The following AMH variants were observed in gnomAD, a reference collection of about 807,000 sequenced individuals.
AMH encodes anti-Muellerian hormone.
Under a neutral mutation model 33.3 loss-of-function variants are expected in AMH, and 39 were observed. That is an observed-to-expected ratio of 1.17 (90% confidence interval 0.91 to 1.53). The LOEUF (loss-of-function observed/expected upper bound fraction) is 1.53. Ranked by LOEUF, AMH falls within the 40% of genes most tolerant of loss-of-function variation. The probability of loss-of-function intolerance (pLI) is 0.00; values close to 1 mark genes in which losing one functional copy is unlikely to be tolerated. For synonymous variants in AMH, 536 were observed against 403.0 expected (o/e 1.33, Z -3.95); for missense variants, 1,019 against 799.8 (o/e 1.27, Z -3.30).
At position 2,249,557 on chromosome 19, in the gene AMH, T is replaced by C; in HGVS notation, c.225T>C (p.Ala75=). 6.3e-7 allele frequency: 1 copy of C among 1,584,958 alleles called. No individual in the cohort carries two copies. Among genetic ancestry groups the C allele is most frequent in the East Asian group, 2.3e-5 (1 of 43,446 alleles). The change falls in exon 1 of 5, where the codon GCT becomes GCC. Residue 75 remains alanine, a synonymous_variant. Coordinates refer to ENST00000221496, the MANE Select transcript of AMH (RefSeq NM_000479.5). The part of the protein sequence containing the change: ...GSSSPLRVVG[A]LSAYEQAFLG... Reference sequence around the variant, plus strand: ...GCTCCCCCCTGCGGGTGGTGGGGGCTCTAAGCGCCTATGAGCAGGCCTTCC... The same window carrying C: ...GCTCCCCCCTGCGGGTGGTGGGGGCCCTAAGCGCCTATGAGCAGGCCTTCC...
chr19:2,249,786 T>A, intron 1 of AMH, 42 bp downstream of exon 1: 1 of 1,462,844 alleles, frequency 6.8e-7, no homozygotes, highest in South Asian at 1.5e-5. Flanking sequence ...GCCGTCTTCC[T>A]TCAGGTGGGC....
rs368933314 is a variant in AMH, at chr19:2,251,467, C to G, written c.1193C>G (p.Pro398Arg). ...CTGCGAAGCCTCCCGGGTCTGCCTC[C>G]GGCCACAGCCCCGCTGCTGGCGCGC... ...AELRSLPGLP[P>R]ATAPLLARLL... Residue 398 changes from proline (P) to arginine (R), a missense_variant, in exon 5 of 5, where the codon CCG becomes CGG. Physicochemically the swap from Pro to Arg is moderately radical, Grantham distance 103. Transcript: ENST00000221496. The G allele has an allele frequency of 5.0e-5, 70 of 1,413,442 alleles. 1 individual carries two copies. The East Asian group carries it at 1.1e-3, about 21-fold the overall frequency. 87.6% of individuals were successfully genotyped at this position (1,413,442 alleles called of 1,614,324 possible).
Position 2,249,713 on chromosome 19 carries a change from G to A in AMH, c.381G>A (p.Gly127=). 1 of 1,507,058 alleles carries A rather than the reference G, an allele frequency of 6.6e-7. No homozygotes were observed. 93.4% of individuals were successfully genotyped at this position (1,507,058 alleles called of 1,614,324 possible). A position where few individuals can be genotyped will look rare whatever the true frequency, so the allele number is the denominator to read the frequency against. Residue 127 remains glycine (G), a synonymous_variant, in exon 1 of 5, where the codon GGG becomes GGA. Transcript: ENST00000221496. Reference sequence around the variant, plus strand: ...GGGCCTGGCTGCGGGACCCTGGGGGGCAGCGCCTGGTGGTCCTACACCTGG... The same window carrying A: ...GGGCCTGGCTGCGGGACCCTGGGGGACAGCGCCTGGTGGTCCTACACCTGG... ...RLGAWLRDPG[G]QRLVVLHLEE...
Position 2,250,375 on chromosome 19 carries a change from C to A in AMH, c.451C>A (p.Pro151Thr). Reference protein sequence around the residue: ...EPTPSLRFQEPPPGGAGPPEL... With the variant: ...EPTPSLRFQETPPGGAGPPEL... The stretch of plus-strand genomic sequence containing the variant: ...AACACCCTCGCTGAGGTTCCAGGAG[C>A]CCCCGCCTGGAGGAGCTGGCCCCCC... Residue 151 changes from proline (P) to threonine (T), a missense_variant, in exon 2 of 5, where the codon CCC (proline) becomes ACC (threonine). Coordinates refer to ENST00000221496, the MANE Select transcript of AMH (RefSeq NM_000479.5). 4.4e-6 allele frequency: 7 copies of A among 1,594,766 alleles called. No individual in the cohort carries two copies. Among genetic ancestry groups the A allele is most frequent in the Non-Finnish European group, 6.0e-6 (7 of 1,172,816 alleles).
In AMH at chr19:2,251,480, G is replaced by A. The variant is rs2025042203; in HGVS notation, c.1206G>A (p.Pro402=). The A allele has an allele frequency of 5.1e-6, 7 of 1,384,012 alleles. No homozygotes were observed. Among genetic ancestry groups the A allele is most frequent in the East Asian group, 3.1e-5 (1 of 31,986 alleles). 85.7% of individuals were successfully genotyped at this position (1,384,012 alleles called of 1,614,324 possible). Residue 402 remains proline, a synonymous_variant, in exon 5 of 5, where the codon CCG becomes CCA. Coordinates refer to ENST00000221496, the MANE Select transcript of AMH (RefSeq NM_000479.5). ...CGGGTCTGCCTCCGGCCACAGCCCC[G>A]CTGCTGGCGCGCCTGCTCGCGCTCT... ...SLPGLPPATA[P]LLARLLALCP...
chr19:2,251,647 C>T lies in AMH; in HGVS notation c.1373C>T (p.Ala458Val), dbSNP rs530422929. The change falls in exon 5 of 5, where the codon GCC becomes GTC. Residue 458 changes from alanine (A) to valine (V), a missense_variant. By Grantham distance (64) the Ala-to-Val change is moderately conservative. Transcript: ENST00000221496. ...RAQRSAGATA[A>V]DGPCALRELS... ...CAGCGCAGCGCGGGGGCCACCGCCG[C>T]CGACGGGCCGTGCGCGCTGCGCGAG... 2.8e-5 allele frequency: 45 copies of T among 1,596,990 alleles called. No individual in the cohort carries two copies. In the South Asian group the frequency reaches 4.8e-4, roughly 17 times the overall value.
chr19:2,250,647 C>T lies in AMH; in HGVS notation c.556-5C>T, dbSNP rs770617853. 20 of 1,538,658 alleles carry T rather than the reference C, an allele frequency of 1.3e-5. 1 individual carries two copies. Among genetic ancestry groups the T allele is most frequent in the East Asian group, 1.2e-4 (5 of 40,942 alleles). ...TCCAGCCGGGCTGAGCCCTGGTCTC[C>T]GCAGAGCCTCTGCCCCTCCCGAGAC... On this transcript the variant is annotated splice_polypyrimidine_tract_variant and splice_region_variant and intron_variant, in intron 2 of 4. Transcript: ENST00000221496.
In AMH at chr19:2,251,355, G is replaced by A. The variant is rs762178021; in HGVS notation, c.1081G>A (p.Ala361Thr). ...RPTAATTGDPAPLHDPTSAPW... is the reference protein window; with the variant it reads ...RPTAATTGDPTPLHDPTSAPW... ...CACTGCGGCCACCACCGGGGATCCTGCGCCCCTGCACGACCCCACGTCGGC... is the reference window on the plus strand; with the variant it reads ...CACTGCGGCCACCACCGGGGATCCTACGCCCCTGCACGACCCCACGTCGGC... Residue 361 changes from alanine (A) to threonine (T), a missense_variant, in exon 5 of 5, where the codon GCG (alanine) becomes ACG (threonine). Coordinates refer to ENST00000221496, the MANE Select transcript of AMH (RefSeq NM_000479.5). 7.4e-6 allele frequency: 11 copies of A among 1,490,124 alleles called. No homozygotes were observed. The highest frequency in any genetic ancestry group is 2.3e-4 in the Middle Eastern group (1 of 4,308). 92.3% of individuals were successfully genotyped at this position (1,490,124 alleles called of 1,614,324 possible).
chr19:2,249,371 G>C lies in AMH; in HGVS notation c.39G>C (p.Leu13=), dbSNP rs780718920. ...CTCTCACCAGCCTGGCCCTAGTGCT[G>C]TCTGCCCTGGGGGCTCTGCTGGGGA... The part of the protein sequence containing the change: ...DLPLTSLALV[L]SALGALLGTE... Residue 13 remains leucine (L), a synonymous_variant, in exon 1 of 5, where the codon CTG becomes CTC. Transcript: ENST00000221496. 7 of 1,584,064 alleles carry C rather than the reference G, an allele frequency of 4.4e-6. No individual in the cohort carries two copies. Among genetic ancestry groups the C allele is most frequent in the East Asian group, 2.3e-5 (1 of 43,150 alleles).
chr19:2,250,208 AAG>A, intron 1 of AMH, 127 bp from the exon 2 acceptor site: 1 of 1,445,860 alleles, frequency 6.9e-7, no homozygotes, highest in South Asian at 1.2e-5. Flanking sequence ...GAAGGCAGCT[AAG>A]AGGGGCACCC....
chr19:2,250,510 G>A, intron 2 of AMH, 31 bp downstream of exon 2: 1 of 1,544,236 alleles, frequency 6.5e-7, no homozygotes. Context: ...GCAGTGCCCG[G>A]GCCGTGGCGG....
At position 2,249,389 on chromosome 19, in the gene AMH, G is replaced by T. The variant is rs1440713146; in HGVS notation, c.57G>T (p.Leu19=). 1 of 1,590,162 alleles carries T rather than the reference G, an allele frequency of 6.3e-7. No homozygotes were observed. The change falls in exon 1 of 5, where the codon CTG becomes CTT. Residue 19 remains leucine (L), a synonymous_variant. Coordinates refer to ENST00000221496, the MANE Select transcript of AMH (RefSeq NM_000479.5). ...LALVLSALGA[L]LGTEALRAEE... Reference sequence around the variant, plus strand: ...TAGTGCTGTCTGCCCTGGGGGCTCTGCTGGGGACTGAGGCCCTCAGAGCAG... The same window carrying T: ...TAGTGCTGTCTGCCCTGGGGGCTCTTCTGGGGACTGAGGCCCTCAGAGCAG...
chr19:2,251,777 G>C lies in AMH; in HGVS notation c.1503G>C (p.Pro501=), dbSNP rs1344067869. 2 of 1,610,622 alleles carry C rather than the reference G, an allele frequency of 1.2e-6. No individual in the cohort carries two copies. The highest frequency in any genetic ancestry group is 1.7e-6 in the Non-Finnish European group (2 of 1,179,540). ...VCGWPQSDRN[P]RYGNHVVLLL... is the part of the protein sequence containing the mutation. ...GCTGGCCTCAGTCCGACCGCAACCC[G>C]CGCTACGGCAACCACGTGGTGCTGC... The change falls in exon 5 of 5, where the codon CCG becomes CCC. Residue 501 remains proline (P), a synonymous_variant. Coordinates refer to ENST00000221496, the MANE Select transcript of AMH (RefSeq NM_000479.5).
In AMH at chr19:2,251,357, G is replaced by GC. The variant is rs2025039523; in HGVS notation, c.1087dup (p.Leu363ProfsTer20). 2.0e-6 allele frequency: 3 copies of GC among 1,484,266 alleles called. No homozygotes were observed. Among genetic ancestry groups the GC allele is most frequent in the Non-Finnish European group, 2.7e-6 (3 of 1,124,352 alleles). 91.9% of individuals were successfully genotyped at this position (1,484,266 alleles called of 1,614,324 possible). A position where few individuals can be genotyped will look rare whatever the true frequency, so the allele number is the denominator to read the frequency against. ...CTGCGGCCACCACCGGGGATCCTGC[G>GC]CCCCTGCACGACCCCACGTCGGCGC... On this transcript the variant is annotated frameshift_variant, in exon 5 of 5. Transcript: ENST00000221496. LOFTEE classifies it low-confidence loss of function (END_TRUNC).
rs1295763433 is a variant in AMH, at chr19:2,249,341, C to G, written c.9C>G (p.Asp3Glu). Residue 3 changes from aspartate to glutamate, a missense_variant, in exon 1 of 5, where the codon GAC becomes GAG. Coordinates refer to ENST00000221496, the MANE Select transcript of AMH (RefSeq NM_000479.5). MR[D>E]LPLTSLALVL... The stretch of plus-strand genomic sequence containing the variant: ...CCCTGGCAGCACCCACGATGCGGGA[C>G]CTGCCTCTCACCAGCCTGGCCCTAG... 1 of 1,570,500 alleles carries G rather than the reference C, an allele frequency of 6.4e-7. No individual in the cohort carries two copies. The highest frequency in any genetic ancestry group is 1.4e-5 in the African/African-American group (1 of 73,908).
Position 2,251,237 on chromosome 19 carries a change from C to T in AMH, c.963C>T (p.Ala321=). The T allele has an allele frequency of 1.3e-6, 2 of 1,502,594 alleles. No homozygotes were observed. The highest frequency in any genetic ancestry group is 1.2e-5 in the South Asian group (1 of 80,482). The allele number at this position is 1,502,594 out of a possible 1,614,324, so 93.1% of individuals were successfully genotyped here. ...TGGCCCTGGATCCGGACGCGCTGGCCGGCTTCCCGCAGGGCCTAGTCAACC... is the reference window on the plus strand; with the variant it reads ...TGGCCCTGGATCCGGACGCGCTGGCTGGCTTCCCGCAGGGCCTAGTCAACC... ...PRLALDPDAL[A]GFPQGLVNLS... Residue 321 remains alanine (A), a synonymous_variant, in exon 5 of 5, where the codon GCC becomes GCT. Transcript: ENST00000221496.
Position 2,251,135 on chromosome 19 carries a change from A to T in AMH, c.861A>T (p.Ala287=). 1 of 1,536,662 alleles carries T rather than the reference A, an allele frequency of 6.5e-7. No individual in the cohort carries two copies. Among genetic ancestry groups the T allele is most frequent in the South Asian group, 1.2e-5 (1 of 83,570 alleles). The change falls in exon 5 of 5, where the codon GCA becomes GCT. Residue 287 remains alanine, a synonymous_variant. Coordinates refer to ENST00000221496, the MANE Select transcript of AMH (RefSeq NM_000479.5). The part of the protein sequence containing the change: ...SAELEESPPS[A]DPFLETLTRL... ...AACTCGAGGAGTCGCCACCCAGCGCAGACCCCTTCCTGGAGACGCTCACGC... is the reference window on the plus strand; with the variant it reads ...AACTCGAGGAGTCGCCACCCAGCGCTGACCCCTTCCTGGAGACGCTCACGC...
chr19:2,249,480 C>A lies in AMH; in HGVS notation c.148C>A (p.Pro50Thr). The change falls in exon 1 of 5, where the codon CCA (proline) becomes ACA (threonine). Residue 50 changes from proline (P) to threonine (T), a missense_variant. Coordinates refer to ENST00000221496, the MANE Select transcript of AMH (RefSeq NM_000479.5). Reference sequence around the variant, plus strand: ...AGACTTGGACTGGCCTCCAGGCAGCCCACAAGAGCCTCTGTGCCTGGTGGC... The same window carrying A: ...AGACTTGGACTGGCCTCCAGGCAGCACACAAGAGCCTCTGTGCCTGGTGGC... ...REDLDWPPGS[P>T]QEPLCLVALG... The A allele has an allele frequency of 6.2e-7, 1 of 1,606,774 alleles. No homozygotes were observed.
chr19:2,250,016 G>A (rs1346461496), intron 1 of AMH: 3 of 607,962 alleles, frequency 4.9e-6, no homozygotes, highest in African/African-American at 3.7e-5. Flanking sequence ...CAGGGCTCGG[G>A]GCCAGTGGAA....
Sources: allele counts gnomAD v4.1 joint callset, GRCh38; gene constraint gnomAD v4.1.1; transcripts MANE v1.5; gene names NCBI Gene and HGNC (gene_info 2026-07-23, HGNC 2026-07-21).